XIRP2: variants seen among roughly 807,000 people sequenced by gnomAD.
XIRP2 encodes the protein xin actin binding repeat containing 2, also known as xin actin-binding repeat-containing protein 2.
Under a neutral mutation model 277.0 loss-of-function variants are expected in XIRP2, and 236 were observed. The observed-to-expected ratio is 0.85, with a 90% CI of 0.77 to 0.95. XIRP2 has a LOEUF of 0.95. Among genes scored for constraint, XIRP2 ranks in the 40% least tolerant of loss-of-function variants. XIRP2 has a pLI of 0.00. For synonymous variants in XIRP2, 1,490 were observed against 1,416.5 expected, an observed-to-expected ratio of 1.05 and a Z score of -1.17; for missense variants, 4,640 against 4,157.5, an observed-to-expected ratio of 1.12 and a Z score of -3.19.
chr2:167,201,600 C>T (rs1340354545), intron 3 of XIRP2, among the ~76,000 whole-genome samples: 1 of 152,110 alleles, frequency 6.6e-6, no homozygotes, highest in Admixed American at 6.5e-5. Flanking sequence ...AGTTTGATCT[C>T]TATGGTGACC....
At position 167,246,460 on chromosome 2, in the gene XIRP2, ACTAT is replaced by A. The variant is rs756583793; in HGVS notation, c.5073_5076del (p.Tyr1692ValfsTer16). 5.3e-5 allele frequency: 85 copies of A among 1,613,610 alleles called. No homozygotes were observed. Among genetic ancestry groups the A allele is most frequent in the Non-Finnish European group, 6.9e-5 (81 of 1,179,814 alleles). ...AGATGAAAAAGGAGATATTAACATG[ACTAT>A]CTATTGTCTTCTTCATGAAAATGAT... On this transcript the variant is annotated frameshift_variant, in exon 9 of 11. Coordinates refer to ENST00000409195, the MANE Select transcript of XIRP2 (RefSeq NM_152381.6). LOFTEE classifies it high-confidence loss of function.
intron 3 of XIRP2, among the ~76,000 whole-genome samples, chr2:167,167,253 C>T (rs73021975): frequency 0.099 from 15,034 of 152,034 alleles, 794 homozygotes; most frequent in South Asian, 0.15. Context: ...TTGTAGATAA[C>T]ATATAGTCAG....
intron 3 of XIRP2, among the ~76,000 whole-genome samples, chr2:167,179,270 A>G (rs2105355607): frequency 6.6e-6 from 1 of 150,622 alleles, no homozygotes; most frequent in African/African-American, 2.4e-5. Context: ...GCTTGCAGAT[A>G]TATTTTAGTC....
At chr2:167,077,259 T>C (rs1409921346) in intron 2 of XIRP2, among the ~76,000 whole-genome samples, 1 of 152,202 alleles carries the variant, frequency 6.6e-6, no homozygotes, top group Non-Finnish European at 1.5e-5. Context: ...GTGAGCTTTG[T>C]CAGATTACAT....
At chr2:167,063,020 G>T (rs760905805) in intron 2 of XIRP2, among the ~76,000 whole-genome samples, 5 of 151,408 alleles carry the variant, frequency 3.3e-5, no homozygotes, top group Non-Finnish European at 7.4e-5. Context: ...CTAGTTTGTA[G>T]GCAAACACTT....
At chr2:166,951,632 G>T (rs534878893) in intron 2 of XIRP2, among the ~76,000 whole-genome samples, 24 of 151,636 alleles carry the variant, frequency 1.6e-4, no homozygotes, top group African/African-American at 4.6e-4. Flanking sequence ...TATTTTTTTT[G>T]ATTTTCTTTT....
intron 2 of XIRP2, among the ~76,000 whole-genome samples, chr2:167,025,298 A>T (rs1343947543): frequency 6.6e-6 from 1 of 152,032 alleles, no homozygotes; most frequent in Admixed American, 6.6e-5. Context: ...ATCGGTGGTA[A>T]TATCCCCTTT....
chr2:167,118,254 C>A lies in XIRP2; in HGVS notation c.409-17655C>A, dbSNP rs1296588338. 2.0e-5 allele frequency among the ~76,000 whole-genome samples: 3 copies of A among 151,936 alleles called. No homozygotes were observed. In the East Asian group the frequency reaches 5.8e-4, roughly 30 times the overall value. ...CTGCACTTTGCGAGGCCGTGATGGG[C>A]AGATTGCCTGAGGTCAGGAGTTTGA... On this transcript the variant is annotated intron_variant, in intron 2 of 10. Transcript: ENST00000409195.
chr2:167,007,974 T>A (rs905137128), intron 2 of XIRP2, among the ~76,000 whole-genome samples: 2 of 151,546 alleles, frequency 1.3e-5, no homozygotes. Context: ...GAATATTTTC[T>A]CATTGTAAGT....
intron 2 of XIRP2, among the ~76,000 whole-genome samples, chr2:167,088,008 T>G (rs913999831): frequency 1.3e-5 from 2 of 152,154 alleles, no homozygotes; most frequent in Non-Finnish European, 2.9e-5. Flanking sequence ...ACATAAAAGA[T>G]GATAAGTTTG....
At chr2:167,253,615 A>G (rs1200004296) in intron 9 of XIRP2, among the ~76,000 whole-genome samples, 2 of 151,740 alleles carry the variant, frequency 1.3e-5, no homozygotes, top group East Asian at 3.9e-4. Context: ...AAGCCTTTAT[A>G]TATAGGGAAA....
At chr2:167,026,646 C>T (rs1688170096) in intron 2 of XIRP2, among the ~76,000 whole-genome samples, 1 of 152,040 alleles carries the variant, frequency 6.6e-6, no homozygotes, top group Non-Finnish European at 1.5e-5. Flanking sequence ...TTAGGGCAGG[C>T]CTGGTGGTGA....
chr2:166,892,827 A>T (rs918397380), intron 1 of XIRP2, among the ~76,000 whole-genome samples: 1 of 146,926 alleles, frequency 6.8e-6, no homozygotes, highest in Non-Finnish European at 1.5e-5. Flanking sequence ...ATATATATAT[A>T]ACTTCTATGA....
intron 2 of XIRP2, among the ~76,000 whole-genome samples, chr2:167,104,947 G>A (rs7607028): frequency 0.3 from 45,288 of 151,820 alleles, 9,305 homozygotes; most frequent in African/African-American, 0.58. Context: ...CAATATAAAC[G>A]TTTACTAAAA....
chr2:167,247,462 G>A lies in XIRP2; in HGVS notation c.6070G>A (p.Gly2024Ser). 1 of 1,613,666 alleles carries A rather than the reference G, an allele frequency of 6.2e-7. No homozygotes were observed. Among genetic ancestry groups the A allele is most frequent in the Middle Eastern group, 1.7e-4 (1 of 6,056 alleles). Residue 2024 changes from glycine (G) to serine (S), a missense_variant, in exon 9 of 11, where the codon GGC becomes AGC. Transcript: ENST00000409195. ...GGTTAATCTTCCAAAAGCCCCCAAA[G>A]GCACTGTAAAGATTGTCATAGATCG... ...TEVNLPKAPKGTVKIVIDREQ... is the reference protein window; with the variant it reads ...TEVNLPKAPKSTVKIVIDREQ...
chr2:167,088,698 A>C (rs191992463), intron 2 of XIRP2, among the ~76,000 whole-genome samples: 1 of 152,154 alleles, frequency 6.6e-6, no homozygotes, highest in African/African-American at 2.4e-5. Context: ...GCCTTCCTCA[A>C]TTCCCCCAAA....
At chr2:167,215,484 T>C (rs1381757551) in intron 4 of XIRP2, among the ~76,000 whole-genome samples, 1 of 152,214 alleles carries the variant, frequency 6.6e-6, no homozygotes, top group Non-Finnish European at 1.5e-5. Context: ...TTCTGGAGTA[T>C]GGGAAACCCA....
intron 3 of XIRP2, among the ~76,000 whole-genome samples, chr2:167,141,509 G>A (rs1235637080): frequency 6.6e-6 from 1 of 152,154 alleles, no homozygotes; most frequent in African/African-American, 2.4e-5. Flanking sequence ...CCAGGATAGT[G>A]GGAATGGTGC....
intron 9 of XIRP2, among the ~76,000 whole-genome samples, 192 bp downstream of exon 9, chr2:167,252,139 G>GTTACAACATTC (rs1695530666): frequency 6.6e-6 from 1 of 151,944 alleles, no homozygotes; most frequent in African/African-American, 2.4e-5. Context: ...CAAAAGCATA[G>GTTACAACATTC]AGTATGATTT....
Sources: gnomAD v4.1 joint callset for allele counts (sites outside exome capture counted in the v4.1 genomes callset) on GRCh38, gnomAD v4.1.1 for gene constraint, MANE v1.5 for transcripts, NCBI Gene and HGNC (gene_info 2026-07-23, HGNC 2026-07-21) for gene names.